The following ELP4 variants were observed in gnomAD, a reference collection of about 807,000 sequenced individuals.
ELP4 encodes elongator acetyltransferase complex subunit 4, also known as elongator complex protein 4.
A neutral mutation model predicts 48.9 loss-of-function variants in ELP4; 51 were observed. The ratio of observed to expected loss-of-function variants is 1.04; its 90% CI spans 0.83 to 1.32. The LOEUF (loss-of-function observed/expected upper bound fraction) is 1.32, where lower values mean the gene tolerates loss of function less well. ELP4 is among the 40% of genes most tolerant of loss of function. The probability of loss-of-function intolerance (pLI) is 0.00; values close to 1 mark genes in which losing one functional copy is unlikely to be tolerated. For synonymous variants in ELP4, 210 were observed against 189.2 expected, an observed-to-expected ratio of 1.11 and a Z score of -0.90; for missense variants, 519 against 514.6, an observed-to-expected ratio of 1.01 and a Z score of -0.08.
chr11:31,617,036 G>A (rs567060433), intron 5 of ELP4, among the ~76,000 whole-genome samples: 2 of 152,004 alleles, frequency 1.3e-5, no homozygotes, highest in South Asian at 2.1e-4. Flanking sequence ...TCTCAAAACC[G>A]TATGATCCAA....
intron 2 of ELP4, among the ~76,000 whole-genome samples, chr11:31,529,354 C>G (rs974885874): frequency 2.6e-5 from 4 of 152,128 alleles, no homozygotes; most frequent in Non-Finnish European, 5.9e-5. Flanking sequence ...GCCCAAAGAA[C>G]TAGCACAGAT....
chr11:31,684,195 A>G (rs1946114445), intron 9 of ELP4, among the ~76,000 whole-genome samples: 1 of 151,916 alleles, frequency 6.6e-6, no homozygotes, highest in African/African-American at 2.4e-5. Flanking sequence ...AAAAAAATGC[A>G]AAGGACCAAA....
At chr11:31,610,513 T>C (rs541258575) in intron 5 of ELP4, among the ~76,000 whole-genome samples, 4 of 152,302 alleles carry the variant, frequency 2.6e-5, no homozygotes, top group Admixed American at 6.5e-5. Context: ...CTTGCCTCCC[T>C]TCCCCCCTCC....
chr11:31,710,870 A>G (rs1259417810), intron 9 of ELP4, among the ~76,000 whole-genome samples: 4 of 152,196 alleles, frequency 2.6e-5, no homozygotes, highest in Non-Finnish European at 1.5e-5. Flanking sequence ...ACAATATAAT[A>G]GGGGAGACTA....
At chr11:31,515,454 C>G (rs1956093874) in intron 1 of ELP4, among the ~76,000 whole-genome samples, 1 of 151,984 alleles carries the variant, frequency 6.6e-6, no homozygotes, top group South Asian at 2.1e-4. Flanking sequence ...TCAAAACCAG[C>G]CTGGGCAATA....
chr11:31,650,825 A>C (rs1357081514), intron 9 of ELP4: 1 of 151,788 alleles, frequency 6.6e-6, no homozygotes, highest in African/African-American at 2.4e-5. Flanking sequence ...AGAACTATTA[A>C]GGAATTAGAA....
chr11:31,612,281 T>A (rs1957995967), intron 5 of ELP4, among the ~76,000 whole-genome samples: 1 of 152,228 alleles, frequency 6.6e-6, no homozygotes, highest in East Asian at 1.9e-4. Context: ...TGATGACTTC[T>A]CTTAGTGAAA....
chr11:31,528,435 G>A (rs1373422683), intron 2 of ELP4, among the ~76,000 whole-genome samples: 1 of 152,104 alleles, frequency 6.6e-6, no homozygotes, highest in Non-Finnish European at 1.5e-5. Context: ...ATGAGGTGAT[G>A]TTTGTTACTA....
At chr11:31,624,364 G>A (rs889948764) in intron 5 of ELP4, among the ~76,000 whole-genome samples, 2 of 151,696 alleles carry the variant, frequency 1.3e-5, no homozygotes, top group South Asian at 2.1e-4. Flanking sequence ...GCATGTTACT[G>A]GACTGAATAG....
At chr11:31,704,317 A>T (rs993767479) in intron 9 of ELP4, among the ~76,000 whole-genome samples, 2 of 152,174 alleles carry the variant, frequency 1.3e-5, no homozygotes, top group Non-Finnish European at 2.9e-5. Context: ...ATAAAAAAGG[A>T]TGAGTTCATG....
chr11:31,678,129 C>T (rs760416860), intron 9 of ELP4, among the ~76,000 whole-genome samples: 2 of 152,118 alleles, frequency 1.3e-5, no homozygotes, highest in Non-Finnish European at 2.9e-5. Context: ...GTAGCTTCCT[C>T]ATATTGGCTT....
At chr11:31,723,128 A>G (rs1162830292) in intron 9 of ELP4, among the ~76,000 whole-genome samples, 2 of 152,156 alleles carry the variant, frequency 1.3e-5, no homozygotes, top group Admixed American at 6.5e-5. Context: ...TCCCATCTCA[A>G]GATGCCATGG....
intron 2 of ELP4, among the ~76,000 whole-genome samples, chr11:31,526,257 A>G (rs1462314918): frequency 6.6e-6 from 1 of 152,150 alleles, no homozygotes; most frequent in Non-Finnish European, 1.5e-5. Context: ...ATTTTATACT[A>G]AAACATGATA....
At position 31,604,946 on chromosome 11, in the gene ELP4, C is replaced by T. The variant is rs1477888290; in HGVS notation, c.653+1039C>T. ...TTTACATTTGTTATCTTCTATAATC[C>T]TTATATTAACCCTATACAGGGTTAT... On this transcript the variant is annotated intron_variant, in intron 5 of 9. Transcript: ENST00000640961. Among the ~76,000 whole-genome samples, 6 of 152,038 alleles carry T rather than the reference C, an allele frequency of 3.9e-5. No individual in the cohort carries two copies. The South Asian group carries it at 1.0e-3, about 26-fold the overall frequency.
At chr11:31,554,278 C>G (rs994429786) in intron 3 of ELP4, among the ~76,000 whole-genome samples, 8 of 152,158 alleles carry the variant, frequency 5.3e-5, no homozygotes, top group African/African-American at 1.9e-4. Context: ...CTTCCATAAA[C>G]CAGACCCTGG....
intron 9 of ELP4, among the ~76,000 whole-genome samples, chr11:31,691,530 C>G (rs934743798): frequency 2.0e-5 from 3 of 151,980 alleles, no homozygotes; most frequent in African/African-American, 7.2e-5. Context: ...GATTTAGTGT[C>G]TTGCTTTTAG....
intron 9 of ELP4, among the ~76,000 whole-genome samples, chr11:31,779,002 C>T (rs951292304): frequency 4.6e-5 from 7 of 151,924 alleles, no homozygotes; most frequent in East Asian, 1.9e-4. Flanking sequence ...TGAGCTACCC[C>T]GTGCCTGGCA....
At chr11:31,550,013 A>G (rs1004484979) in intron 3 of ELP4, among the ~76,000 whole-genome samples, 16 of 152,136 alleles carry the variant, frequency 1.1e-4, no homozygotes, top group African/African-American at 3.6e-4. Flanking sequence ...GAGGGATAGC[A>G]TTGGGAGATA....
At chr11:31,623,409 G>T (rs1944669407) in intron 5 of ELP4, among the ~76,000 whole-genome samples, 1 of 90,862 alleles carries the variant, frequency 1.1e-5, no homozygotes, top group Non-Finnish European at 2.3e-5. Context: ...AAACATTGCT[G>T]GCAAAGAAAC....
Sources: allele counts gnomAD v4.1 joint callset (sites outside exome capture counted in the v4.1 genomes callset), GRCh38; gene constraint gnomAD v4.1.1; transcripts MANE v1.5; gene names NCBI Gene and HGNC (gene_info 2026-07-23, HGNC 2026-07-21).